The following BRCA2 variants were observed in gnomAD, a reference collection of about 807,000 sequenced individuals.
The protein encoded by BRCA2 is BRCA2 DNA repair associated.
Under a neutral mutation model 276.7 loss-of-function variants are expected in BRCA2, and 203 were observed. The ratio of observed to expected loss-of-function variants is 0.73; its 90% CI spans 0.65 to 0.82. The LOEUF is 0.82. Ranked by LOEUF, BRCA2 falls within the 40% of genes least tolerant of loss-of-function variation. The pLI is 0.00. For missense variants in BRCA2, 3,920 were observed against 3,915.0 expected, an observed-to-expected ratio of 1.00 and a Z score of -0.03; for synonymous variants, 1,289 against 1,338.4, an observed-to-expected ratio of 0.96 and a Z score of 0.81.
At position 32,370,995 on chromosome 13, in the gene BRCA2, A is replaced by G. The variant is rs876660403; in HGVS notation, c.8527A>G (p.Asn2843Asp). Residue 2843 changes from asparagine to aspartate, a missense_variant, in exon 20 of 27, where the codon AAT (asparagine) becomes GAT (aspartate). Coordinates refer to ENST00000380152, the MANE Select transcript of BRCA2 (RefSeq NM_000059.4). ...ATCATCTGGATTATACATATTTCGC[A>G]ATGAAAGAGAGGAAGAAAAGGAAGC... Reference protein sequence around the residue: ...KTSSGLYIFRNEREEEKEAAK... With the variant: ...KTSSGLYIFRDEREEEKEAAK... The G allele has an allele frequency of 1.9e-6, 3 of 1,614,042 alleles. No individual in the cohort carries two copies. The highest frequency in any genetic ancestry group is 2.5e-6 in the Non-Finnish European group (3 of 1,180,018).
chr13:32,341,273 C>T, intron 11 of BRCA2, 77 bp downstream of exon 11: 1 of 1,595,930 alleles, frequency 6.3e-7, no homozygotes, highest in African/African-American at 1.3e-5. Flanking sequence ...GGTATGCTAA[C>T]AATTAAGAGT....
At chr13:32,358,360 C>T (rs1206043905) in intron 16 of BRCA2, among the ~76,000 whole-genome samples, 4 of 151,216 alleles carry the variant, frequency 2.6e-5, no homozygotes, top group South Asian at 2.1e-4. Context: ...CCTGTAATCC[C>T]GGCTACTCTG....
At chr13:32,323,740 A>T (rs2072323280) in intron 3 of BRCA2, among the ~76,000 whole-genome samples, 1 of 152,352 alleles carries the variant, frequency 6.6e-6, no homozygotes, top group African/African-American at 2.4e-5. Flanking sequence ...GTTAGAGATT[A>T]TAGGACCAAC....
intron 11 of BRCA2, among the ~76,000 whole-genome samples, chr13:32,342,181 G>A (rs1471788522): frequency 6.6e-6 from 1 of 150,956 alleles, no homozygotes; most frequent in Non-Finnish European, 1.5e-5. Flanking sequence ...GCTGAGGCAG[G>A]AGAATCACCT....
chr13:32,388,253 G>A (rs2072974594), intron 24 of BRCA2, among the ~76,000 whole-genome samples: 2 of 151,942 alleles, frequency 1.3e-5, no homozygotes, highest in South Asian at 4.2e-4. Flanking sequence ...CGAGTAGCTG[G>A]GACGACAGGC....
rs371431745 is a variant in BRCA2, at chr13:32,326,239, C to A, written c.476-3C>A. ...AACAATTTTCCCCTTTTTTTACCCC[C>A]AGTGGTATGTGGGAGTTTGTTTCAT... On this transcript the variant is annotated splice_region_variant and splice_polypyrimidine_tract_variant and intron_variant, in intron 5 of 26. Coordinates refer to ENST00000380152, the MANE Select transcript of BRCA2 (RefSeq NM_000059.4). 2.0e-5 allele frequency: 33 copies of A among 1,613,062 alleles called. No individual in the cohort carries two copies. Among genetic ancestry groups the A allele is most frequent in the Non-Finnish European group, 1.7e-6 (2 of 1,179,378 alleles).
Position 32,398,251 on chromosome 13 carries a change from C to T in BRCA2, c.9738C>T (p.Ala3246=), listed in dbSNP as rs80359811. 5.5e-5 allele frequency: 89 copies of T among 1,613,924 alleles called. 1 individual carries two copies. In the Admixed American group the frequency reaches 1.4e-3, roughly 26 times the overall value. The change falls in exon 27 of 27, where the codon GCC becomes GCT. Residue 3246 remains alanine, a synonymous_variant. Transcript: ENST00000380152. ...KRKSVSTPVS[A]QMTSKSCKGE... ...AGTCTGTTTCCACACCTGTCTCAGC[C>T]CAGATGACTTCAAAGTCTTGTAAAG...
In BRCA2 at chr13:32,341,089, T is replaced by A. The variant is rs772795886; in HGVS notation, c.6734T>A (p.Leu2245Gln). The change falls in exon 11 of 27, where the codon CTG becomes CAG. Residue 2245 changes from leucine (L) to glutamine (Q), a missense_variant. Physicochemically the swap from Leu to Gln is moderately radical, Grantham distance 113. Transcript: ENST00000380152. Reference sequence around the variant, plus strand: ...GATGATGAACTGACAGATTCTAAACTGCCAAGTCATGCCACACATTCTCTT... The same window carrying A: ...GATGATGAACTGACAGATTCTAAACAGCCAAGTCATGCCACACATTCTCTT... ...MEDDELTDSKLPSHATHSLFT... is the reference protein window; with the variant it reads ...MEDDELTDSKQPSHATHSLFT... The A allele has an allele frequency of 1.2e-6, 2 of 1,613,866 alleles. No individual in the cohort carries two copies. Among genetic ancestry groups the A allele is most frequent in the Non-Finnish European group, 1.7e-6 (2 of 1,179,932 alleles).
chr13:32,362,896 A>C (rs1048516308), intron 17 of BRCA2, among the ~76,000 whole-genome samples: 11 of 147,252 alleles, frequency 7.5e-5, no homozygotes, highest in African/African-American at 1.8e-4. Context: ...CTCTTTCCCC[A>C]CCCCCTCCTT....
intron 24 of BRCA2, among the ~76,000 whole-genome samples, chr13:32,391,343 C>G (rs1340905000): frequency 1.5e-4 from 23 of 152,208 alleles, no homozygotes; most frequent in Non-Finnish European, 5.9e-5. Flanking sequence ...CAGTTAGTCC[C>G]ACAGGGACTT....
At chr13:32,346,733 C>A in intron 12 of BRCA2, 94 bp from the exon 13 acceptor site, 1 of 926,140 alleles carries the variant, frequency 1.1e-6, no homozygotes, top group Non-Finnish European at 1.6e-6. Context: ...AATTGTAAAG[C>A]CTATAATTGT....
intron 10 of BRCA2, among the ~76,000 whole-genome samples, chr13:32,335,385 T>C (rs2072440450): frequency 6.6e-6 from 1 of 151,090 alleles, no homozygotes; most frequent in African/African-American, 2.4e-5. Flanking sequence ...TGATCACTGA[T>C]GAAATGCAAT....
At chr13:32,330,071 A>G (rs1421058543) in intron 8 of BRCA2, among the ~76,000 whole-genome samples, 1 of 152,180 alleles carries the variant, frequency 6.6e-6, no homozygotes, top group Non-Finnish European at 1.5e-5. Flanking sequence ...CTATTCTTGA[A>G]TCTGTGTAAC....
At chr13:32,356,174 C>T (rs1490348766) in intron 14 of BRCA2, among the ~76,000 whole-genome samples, 3 of 151,486 alleles carry the variant, frequency 2.0e-5, no homozygotes, top group Non-Finnish European at 4.4e-5. Flanking sequence ...TGCTGAATAG[C>T]TGGGATTACA....
rs2137665535 is a variant in BRCA2, at chr13:32,398,497, C to G, written c.9984C>G (p.Phe3328Leu). The G allele has an allele frequency of 6.2e-7, 1 of 1,614,082 alleles. No individual in the cohort carries two copies. Among genetic ancestry groups the G allele is most frequent in the South Asian group, 1.1e-5 (1 of 91,076 alleles). The change falls in exon 27 of 27, where the codon TTC becomes TTG. Residue 3328 changes from phenylalanine to leucine, a missense_variant. This residue lies in a region of BRCA2 where 657 missense variants were observed against 758.2 expected (regional missense o/e 0.87). Transcript: ENST00000380152. ...NSPQMTPFKK[F>L]NEISLLESNS... ...CTCAGATGACTCCATTTAAAAAATT[C>G]AATGAAATTTCTCTTTTGGAAAGTA... is the stretch of plus-strand genomic sequence containing the variant.
chr13:32,353,757 C>T lies in BRCA2; in HGVS notation c.7008-1104C>T, dbSNP rs9943876. Among the ~76,000 whole-genome samples the T allele has an allele frequency of 0.3, 45,699 of 152,020 alleles. 7,071 individuals carry two copies. Among genetic ancestry groups the T allele is most frequent in the Admixed American group, 0.35 (5,325 of 15,276 alleles). ...AGGAACAACTTCAAGTTCCAGGTAT[C>T]CAGGGTTTGGTAAAAGGAAATCTGG... On this transcript the variant is annotated intron_variant, in intron 13 of 26. Transcript: ENST00000380152.
intron 3 of BRCA2, 73 bp downstream of exon 3, chr13:32,319,398 A>G (rs2138706293): frequency 2.8e-6 from 4 of 1,432,590 alleles, no homozygotes; most frequent in Admixed American, 1.9e-5. Flanking sequence ...TTAAAATCTT[A>G]GCTCATTCAT....
At chr13:32,349,968 T>C (rs531340398) in intron 13 of BRCA2, among the ~76,000 whole-genome samples, 1 of 152,292 alleles carries the variant, frequency 6.6e-6, no homozygotes, top group South Asian at 2.1e-4. Context: ...AAGCAACTAC[T>C]TGAAAGCAAG....
chr13:32,338,203 T>C lies in BRCA2; in HGVS notation c.3848T>C (p.Val1283Ala), dbSNP rs80358628. ...ATAGAAAATCATAATGATAAAACTG[T>C]AAGTGAAAAAAATAATAAATGCCAA... ...FKIENHNDKTVSEKNNKCQLI... is the reference protein window; with the variant it reads ...FKIENHNDKTASEKNNKCQLI... Residue 1283 changes from valine (V) to alanine (A), a missense_variant, in exon 11 of 27, where the codon GTA becomes GCA. Transcript: ENST00000380152. The C allele has an allele frequency of 6.5e-7, 1 of 1,548,234 alleles. No individual in the cohort carries two copies. The highest frequency in any genetic ancestry group is 8.7e-7 in the Non-Finnish European group (1 of 1,146,242).
Sources: gnomAD v4.1 joint callset for allele counts (sites outside exome capture counted in the v4.1 genomes callset) on GRCh38, gnomAD v4.1.1 for gene constraint, gnomAD v4.1.1 regional missense constraint, MANE v1.5 for transcripts, NCBI Gene and HGNC (gene_info 2026-07-23, HGNC 2026-07-21) for gene names.